Variants in PDE4B observed in about 807,000 individuals in gnomAD.
PDE4B encodes the protein 3',5'-cyclic-AMP phosphodiesterase 4B.
A neutral mutation model predicts 82.2 loss-of-function variants in PDE4B; 20 were observed. The observed-to-expected ratio is 0.24, with a 90% CI of 0.17 to 0.35. The LOEUF is 0.35. Among genes scored for constraint, PDE4B ranks in the 10% least tolerant of loss-of-function variants. The pLI is 1.00. For missense variants in PDE4B, 655 were observed against 907.2 expected (o/e 0.72, Z 3.57); for synonymous variants, 320 against 318.9 (o/e 1.00, Z -0.04).
chr1:66,195,396 T>G (rs936160495), intron 3 of PDE4B, among the ~76,000 whole-genome samples: 1 of 151,808 alleles, frequency 6.6e-6, no homozygotes, highest in African/African-American at 2.4e-5. Context: ...CTAAAAGGAG[T>G]CTTTAAGTAC....
intron 3 of PDE4B, among the ~76,000 whole-genome samples, chr1:65,941,316 A>G (rs1300831193): frequency 6.6e-6 from 1 of 152,076 alleles, no homozygotes; most frequent in Non-Finnish European, 1.5e-5. Context: ...TCAGAAACTC[A>G]TAATCTCCCA....
At chr1:66,000,375 G>C (rs1173080728) in intron 3 of PDE4B, among the ~76,000 whole-genome samples, 3 of 152,180 alleles carry the variant, frequency 2.0e-5, no homozygotes, top group Non-Finnish European at 4.4e-5. Context: ...ACAGCAATTT[G>C]AGCTTTTAAT....
At chr1:66,352,079 T>C (rs183219291) in intron 8 of PDE4B, among the ~76,000 whole-genome samples, 91 of 152,262 alleles carry the variant, frequency 6.0e-4, no homozygotes, top group African/African-American at 2.1e-3. Flanking sequence ...AGAGCAATGA[T>C]TGCTTTCACA....
chr1:66,204,017 G>A (rs1225477247), intron 3 of PDE4B, among the ~76,000 whole-genome samples: 2 of 152,304 alleles, frequency 1.3e-5, no homozygotes, highest in South Asian at 4.1e-4. Context: ...ACGTACAGAT[G>A]GGTTTTTAGT....
intron 1 of PDE4B, among the ~76,000 whole-genome samples, chr1:65,878,530 G>A (rs879523695): frequency 6.6e-5 from 10 of 152,196 alleles, no homozygotes; most frequent in South Asian, 2.1e-4. Context: ...GCACATATAC[G>A]TCATGGAATA....
chr1:66,222,820 T>C (rs1373955120), intron 3 of PDE4B, among the ~76,000 whole-genome samples: 1 of 152,184 alleles, frequency 6.6e-6, no homozygotes, highest in Admixed American at 6.5e-5. Flanking sequence ...TCTAGCCCTC[T>C]CTCCATCACA....
intron 7 of PDE4B, among the ~76,000 whole-genome samples, chr1:66,267,831 T>A (rs1655166571): frequency 6.6e-6 from 1 of 152,212 alleles, no homozygotes; most frequent in Non-Finnish European, 1.5e-5. Context: ...GAGACACACA[T>A]CCCTTGTTTT....
At chr1:65,960,464 T>G (rs1004543484) in intron 3 of PDE4B, among the ~76,000 whole-genome samples, 1 of 152,118 alleles carries the variant, frequency 6.6e-6, no homozygotes, top group Non-Finnish European at 1.5e-5. Context: ...GGCCAAGGAA[T>G]GTATCTTTTG....
intron 3 of PDE4B, among the ~76,000 whole-genome samples, chr1:66,076,302 T>A (rs1038647814): frequency 2.9e-4 from 44 of 152,154 alleles, no homozygotes; most frequent in Non-Finnish European, 3.5e-4. Flanking sequence ...TCTGCATTAG[T>A]TTGCTTAGAA....
intron 3 of PDE4B, among the ~76,000 whole-genome samples, chr1:65,985,264 G>A (rs1256829365): frequency 6.6e-6 from 1 of 151,982 alleles, no homozygotes; most frequent in Non-Finnish European, 1.5e-5. Context: ...ACACATAATG[G>A]ATCTCTGCAT....
rs920505542 is a variant in PDE4B, at chr1:66,362,501, C to T, written c.1021-667C>T. On this transcript the variant is annotated intron_variant, in intron 10 of 16. Coordinates refer to ENST00000341517, the MANE Select transcript of PDE4B (RefSeq NM_002600.4). ...AGGTTGATTAAACATTAGGCCAAGT[C>T]GTGGTGGAGAGCCTGGATCTCTTAC... Among the ~76,000 whole-genome samples the T allele has an allele frequency of 8.5e-5, 13 of 152,216 alleles. No individual in the cohort carries two copies. The South Asian group carries it at 1.2e-3, about 15-fold the overall frequency.
At chr1:66,280,257 C>A (rs1033327822) in intron 7 of PDE4B, among the ~76,000 whole-genome samples, 3 of 152,216 alleles carry the variant, frequency 2.0e-5, no homozygotes, top group African/African-American at 4.8e-5. Flanking sequence ...ACTTTGAACA[C>A]CTTGACAGTG....
intron 1 of PDE4B, among the ~76,000 whole-genome samples, chr1:65,860,490 A>C (rs539788577): frequency 1.3e-5 from 2 of 152,350 alleles, no homozygotes; most frequent in East Asian, 3.9e-4. Context: ...TATTGTGAAC[A>C]GTGCTGCAAT....
At chr1:66,340,766 G>T (rs1160157855) in intron 8 of PDE4B, among the ~76,000 whole-genome samples, 3 of 152,074 alleles carry the variant, frequency 2.0e-5, no homozygotes, top group Non-Finnish European at 4.4e-5. Context: ...TTTAGATTTA[G>T]GACAAGAGGT....
At chr1:65,871,121 T>A (rs1297244552) in intron 1 of PDE4B, among the ~76,000 whole-genome samples, 1 of 152,164 alleles carries the variant, frequency 6.6e-6, no homozygotes, top group Admixed American at 6.6e-5. Context: ...GATTTGCTTC[T>A]AAGGACAAGA....
chr1:65,997,936 A>T (rs1328773524), intron 3 of PDE4B, among the ~76,000 whole-genome samples: 2 of 152,190 alleles, frequency 1.3e-5, no homozygotes, highest in Non-Finnish European at 2.9e-5. Flanking sequence ...TCGAGAAGAG[A>T]TGACATTTGT....
Position 65,800,038 on chromosome 1 carries a change from G to A in PDE4B, c.-71+6790G>A, listed in dbSNP as rs147805680. ...TCACCTATATCAAATGTTAAGGGCT[G>A]AAAAAAGAAAGATTAAAGCAGCATC... On this transcript the variant is annotated intron_variant, in intron 1 of 16. Transcript: ENST00000341517. Among the ~76,000 whole-genome samples the A allele has an allele frequency of 5.1e-3, 776 of 152,182 alleles. 5 individuals are homozygous for A. Among genetic ancestry groups the A allele is most frequent in the African/African-American group, 0.018 (745 of 41,532 alleles).
At chr1:65,989,184 G>T (rs1322263030) in intron 3 of PDE4B, among the ~76,000 whole-genome samples, 2 of 152,022 alleles carry the variant, frequency 1.3e-5, no homozygotes, top group African/African-American at 4.8e-5. Flanking sequence ...GACAGGATGT[G>T]AATATCAGAA....
chr1:66,074,863 T>C (rs1176789335), intron 3 of PDE4B, among the ~76,000 whole-genome samples: 1 of 152,268 alleles, frequency 6.6e-6, no homozygotes, highest in South Asian at 2.1e-4. Context: ...ATTCACCATC[T>C]TTTGTGTATC....
Sources: gnomAD v4.1 joint callset for allele counts (sites outside exome capture counted in the v4.1 genomes callset) on GRCh38, gnomAD v4.1.1 for gene constraint, MANE v1.5 for transcripts, NCBI Gene and HGNC (gene_info 2026-07-23, HGNC 2026-07-21) for gene names.